Variants in ITSN2 observed in about 807,000 individuals in gnomAD.
ITSN2 encodes intersectin 2.
Under a neutral mutation model 243.7 loss-of-function variants are expected in ITSN2, and 156 were observed. The ratio of observed to expected loss-of-function variants is 0.64; its 90% CI spans 0.56 to 0.73. ITSN2 has a LOEUF of 0.73. ITSN2 is among the 30% of genes least tolerant of loss of function. The pLI is 0.00. For synonymous variants in ITSN2, 703 were observed against 699.9 expected (o/e 1.00, Z -0.07); for missense variants, 1,801 against 1,996.1 (o/e 0.90, Z 1.86).
intron 20 of ITSN2, among the ~76,000 whole-genome samples, chr2:24,266,711 T>C (rs1260693469): frequency 6.6e-6 from 1 of 151,362 alleles, no homozygotes; most frequent in East Asian, 1.9e-4. Flanking sequence ...AGAGGGTTGC[T>C]TGAGGCCAGG....
intron 29 of ITSN2, among the ~76,000 whole-genome samples, chr2:24,235,155 T>TA (rs1672009107): frequency 6.6e-6 from 1 of 152,130 alleles, no homozygotes; most frequent in African/African-American, 2.4e-5. Context: ...TATTTAGCAC[T>TA]AAAACGAAAG....
Position 24,249,676 on chromosome 2 carries a change from C to T in ITSN2, c.3121-794G>A, listed in dbSNP as rs1356039510. On this transcript the variant is annotated intron_variant, in intron 25 of 39. Transcript: ENST00000355123. The surrounding 1 kb of genome is among the most constrained non-coding windows in gnomAD (Gnocchi z 4.4). ...AACACTATTAAGTAATTATGATTATCCCCATTTTACAGAGAAGGAAACTGA... is the reference window on the plus strand; with the variant it reads ...AACACTATTAAGTAATTATGATTATTCCCATTTTACAGAGAAGGAAACTGA... Among the ~76,000 whole-genome samples the T allele has an allele frequency of 1.3e-5, 2 of 152,104 alleles. No individual in the cohort carries two copies. The highest frequency in any genetic ancestry group is 6.6e-5 in the Admixed American group (1 of 15,252).
At chr2:24,344,690 G>A (rs1200204967) in intron 1 of ITSN2, among the ~76,000 whole-genome samples, 1 of 152,150 alleles carries the variant, frequency 6.6e-6, no homozygotes, top group African/African-American at 2.4e-5. Flanking sequence ...AGTGGCTCAC[G>A]CCTGTAATCC....
At chr2:24,286,398 G>C in intron 15 of ITSN2, 47 bp from the exon 16 acceptor site, 1 of 1,539,248 alleles carries the variant, frequency 6.5e-7, no homozygotes, top group Non-Finnish European at 9.0e-7. Flanking sequence ...AAGTTCGTAT[G>C]TCATTACCAG....
Position 24,298,551 on chromosome 2 carries a change from C to G in ITSN2, c.1494+114G>C, listed in dbSNP as rs529884352. On this transcript the variant is annotated intron_variant, in intron 13 of 39. Transcript: ENST00000355123. ...CCCCAGTTGATCTGCCTGCCTTGGC[C>G]TCCCAAAGTGCTAGGATAACAGGTG... 53 of 958,712 alleles carry G rather than the reference C, an allele frequency of 5.5e-5. No homozygotes were observed. The African/African-American group carries it at 6.4e-4, about 12-fold the overall frequency. 59.4% of individuals were successfully genotyped at this position (958,712 alleles called of 1,614,324 possible).
chr2:24,261,728 G>A lies in ITSN2; in HGVS notation c.2370C>T (p.Thr790=), dbSNP rs374370621. Reference sequence around the variant, plus strand: ...CATAAAGCCAACCAGGTTCTCCTACGGTTTTTTCATCAACCTACGGAAATA... The same window carrying A: ...CATAAAGCCAACCAGGTTCTCCTACAGTTTTTTCATCAACCTACGGAAATA... ...SGDIIQVDEK[T]VGEPGWLYGS... is the part of the protein sequence containing the mutation. Residue 790 remains threonine, a synonymous_variant, in exon 21 of 40, where the codon ACC becomes ACT. Coordinates refer to ENST00000355123, the MANE Select transcript of ITSN2 (RefSeq NM_006277.3). 6.2e-6 allele frequency: 10 copies of A among 1,611,588 alleles called. No individual in the cohort carries two copies. Among genetic ancestry groups the A allele is most frequent in the Admixed American group, 3.4e-5 (2 of 59,566 alleles).
intron 2 of ITSN2, among the ~76,000 whole-genome samples, chr2:24,317,430 TATGCAC>T (rs1235035297): frequency 6.6e-6 from 1 of 151,336 alleles, no homozygotes; most frequent in African/African-American, 2.4e-5. Context: ...GGGAAACCTT[TATGCAC>T]ATTCCACTGC....
At chr2:24,346,090 G>A (rs1687502362) in intron 1 of ITSN2, among the ~76,000 whole-genome samples, 2 of 152,080 alleles carry the variant, frequency 1.3e-5, no homozygotes, top group Admixed American at 6.5e-5. Context: ...TTATCTCTAT[G>A]ACCTCTAAGA....
intron 29 of ITSN2, among the ~76,000 whole-genome samples, chr2:24,222,022 G>T (rs1005710797): frequency 6.6e-6 from 1 of 152,208 alleles, no homozygotes; most frequent in African/African-American, 2.4e-5. Context: ...GGAGGCCAAG[G>T]TGGGTGTATC....
intron 1 of ITSN2, among the ~76,000 whole-genome samples, chr2:24,352,914 T>A (rs1688149072): frequency 6.6e-6 from 1 of 152,172 alleles, no homozygotes; most frequent in Non-Finnish European, 1.5e-5. Flanking sequence ...CTGTCTCATA[T>A]CAGAACTAAA....
chr2:24,269,972 A>T (rs1194254855), intron 20 of ITSN2, among the ~76,000 whole-genome samples: 1 of 152,190 alleles, frequency 6.6e-6, no homozygotes, highest in Non-Finnish European at 1.5e-5. Flanking sequence ...TTTAGGGTTT[A>T]TCTTGGGTGC....
At chr2:24,317,265 TC>T (rs1393261459) in intron 2 of ITSN2, among the ~76,000 whole-genome samples, 1 of 151,940 alleles carries the variant, frequency 6.6e-6, no homozygotes, top group East Asian at 1.9e-4. Flanking sequence ...GTGCCTGTAG[TC>T]CCAGCTACTC....
intron 1 of ITSN2, chr2:24,334,610 G>A: frequency 5.4e-6 from 6 of 1,118,594 alleles, no homozygotes; most frequent in Non-Finnish European, 6.7e-6. Context: ...AGAATTCTCT[G>A]TATGCCCAGG....
intron 19 of ITSN2, 51 bp from the exon 20 acceptor site, chr2:24,270,819 G>T: frequency 2.1e-6 from 2 of 946,364 alleles, no homozygotes; most frequent in Non-Finnish European, 3.3e-6. Context: ...ATACATCTTT[G>T]CTATGACTCA....
intron 1 of ITSN2, among the ~76,000 whole-genome samples, chr2:24,344,287 T>C (rs1043641325): frequency 3.3e-5 from 5 of 152,354 alleles, no homozygotes; most frequent in Middle Eastern, 3.4e-3. Context: ...CTCATATATA[T>C]ACTGAGTATT....
rs140972907 is a variant in ITSN2, at chr2:24,203,771, C to T, written c.4949G>A (p.Arg1650His). 9.4e-5 allele frequency: 152 copies of T among 1,613,508 alleles called. No individual in the cohort carries two copies. The highest frequency in any genetic ancestry group is 2.2e-4 in the East Asian group (10 of 44,870). ...DQFSPDDFLG[R>H]TEIPVAKIRT... ...AATTTTTGCCACTGGAATTTCAGTA[C>T]GACCCAGGAAATCTGGTGAATAAAC... Residue 1650 changes from arginine to histidine, a missense_variant, in exon 40 of 40, where the codon CGT becomes CAT. By Grantham distance (29) the Arg-to-His change is conservative (BLOSUM62 0). This residue lies in a region of ITSN2 where 928 missense variants were observed against 1,065.4 expected (regional missense o/e 0.87). Coordinates refer to ENST00000355123, the MANE Select transcript of ITSN2 (RefSeq NM_006277.3).
intron 12 of ITSN2, among the ~76,000 whole-genome samples, chr2:24,299,129 A>G (rs1681397383): frequency 6.6e-6 from 1 of 150,848 alleles, no homozygotes; most frequent in African/African-American, 2.4e-5. Flanking sequence ...ACCTGGGCTC[A>G]AGCGATTCTC....
At chr2:24,240,141 A>C (rs78974736) in intron 29 of ITSN2, 8 of 152,158 alleles carry the variant, frequency 5.3e-5, no homozygotes, top group Non-Finnish European at 1.0e-4. Context: ...AGACCAAATA[A>C]TGTGGCTGAT....
chr2:24,301,731 G>T (rs1681768615), intron 10 of ITSN2, among the ~76,000 whole-genome samples: 1 of 151,918 alleles, frequency 6.6e-6, no homozygotes, highest in South Asian at 2.1e-4. Flanking sequence ...TCACTATGTT[G>T]TCCACGCTGG....
Sources: allele counts gnomAD v4.1 joint callset (sites outside exome capture counted in the v4.1 genomes callset), GRCh38; gene constraint gnomAD v4.1.1; regional missense constraint gnomAD v4.1.1; non-coding constraint Gnocchi (gnomAD v3.1); transcripts MANE v1.5; gene names NCBI Gene and HGNC (gene_info 2026-07-23, HGNC 2026-07-21).